Variants in CEP83 observed in about 807,000 individuals in gnomAD.
CEP83 encodes the protein centrosomal protein 83.
CEP83 carries 70 observed loss-of-function variants against 101.9 expected under a neutral mutation model. The ratio of observed to expected loss-of-function variants is 0.69; its 90% CI spans 0.57 to 0.84. The LOEUF is 0.84. CEP83 is among the 40% of genes least tolerant of loss of function. CEP83 has a pLI of 0.00. For missense variants in CEP83, 715 were observed against 787.2 expected, an observed-to-expected ratio of 0.91 and a Z score of 1.10; for synonymous variants, 264 against 267.9, an observed-to-expected ratio of 0.99 and a Z score of 0.14.
chr12:94,300,460 C>T, the CEP83 span, among the ~76,000 whole-genome samples: 1 of 151,978 alleles, frequency 6.6e-6, no homozygotes, highest in Non-Finnish European at 1.5e-5. Context: ...TTGGAATGAG[C>T]GCGGTGAGGA....
At chr12:94,427,898 A>C (rs1483166684) in intron 2 of CEP83, among the ~76,000 whole-genome samples, 1 of 152,190 alleles carries the variant, frequency 6.6e-6, no homozygotes, top group Non-Finnish European at 1.5e-5. Context: ...GCGTACAAAA[A>C]AAAAGTCACA....
chr12:94,348,902 G>A (rs951300620), intron 11 of CEP83, among the ~76,000 whole-genome samples: 1 of 152,164 alleles, frequency 6.6e-6, no homozygotes, highest in Non-Finnish European at 1.5e-5. Flanking sequence ...CTGACCTCTT[G>A]CCAACTGACT....
intron 8 of CEP83, among the ~76,000 whole-genome samples, chr12:94,375,566 G>A (rs1355177184): frequency 2.0e-5 from 3 of 152,134 alleles, no homozygotes; most frequent in African/African-American, 7.2e-5. Flanking sequence ...ATCATGGCTT[G>A]GACTGGAATA....
intron 1 of CEP83, among the ~76,000 whole-genome samples, chr12:94,456,179 G>A (rs1014756711): frequency 6.6e-6 from 1 of 152,116 alleles, no homozygotes; most frequent in African/African-American, 2.4e-5. Flanking sequence ...CCAGGAAATT[G>A]ACCAAACTCC....
chr12:94,431,049 T>A (rs1009021263), intron 2 of CEP83, among the ~76,000 whole-genome samples: 1 of 152,190 alleles, frequency 6.6e-6, no homozygotes, highest in African/African-American at 2.4e-5. Context: ...AGAGGATCAA[T>A]TCAGCAAGAG....
chr12:94,268,783 C>T, the CEP83 span, among the ~76,000 whole-genome samples: 4 of 151,856 alleles, frequency 2.6e-5, no homozygotes, highest in East Asian at 1.9e-4. Flanking sequence ...TTAGTAGAAA[C>T]GGGTTTTCGC....
intron 11 of CEP83, among the ~76,000 whole-genome samples, chr12:94,349,285 CAAAAAAAA>C (rs567484415): frequency 6.8e-5 from 5 of 73,468 alleles, no homozygotes; most frequent in Non-Finnish European, 1.6e-4. Context: ...GACTCTGTCT[CAAAAAAAA>C]AAAAAAAAAG....
At chr12:94,317,765 T>C (rs1031158649) in intron 14 of CEP83, among the ~76,000 whole-genome samples, 8 of 152,180 alleles carry the variant, frequency 5.3e-5, no homozygotes, top group African/African-American at 1.7e-4. Flanking sequence ...TTCTGTTCCA[T>C]TGATTTATGT....
chr12:94,306,674 T>C (rs1969053284), downstream of CEP83: 1 of 152,158 alleles, frequency 6.6e-6, no homozygotes, highest in Admixed American at 6.6e-5. Context: ...CACATATTCC[T>C]TGAAATCATT....
the CEP83 span, among the ~76,000 whole-genome samples, chr12:94,266,269 T>C: frequency 6.6e-6 from 1 of 152,218 alleles, no homozygotes; most frequent in Non-Finnish European, 1.5e-5. Context: ...TCAAGTTTTC[T>C]GCCACTGCCA....
chr12:94,336,527 C>CA (rs2059454604), intron 11 of CEP83, among the ~76,000 whole-genome samples: 1 of 152,178 alleles, frequency 6.6e-6, no homozygotes, highest in African/African-American at 2.4e-5. Context: ...AATAAGGACT[C>CA]AATAAACATT....
the CEP83 span, among the ~76,000 whole-genome samples, chr12:94,269,181 T>C: frequency 6.6e-6 from 1 of 152,230 alleles, no homozygotes; most frequent in African/African-American, 2.4e-5. Flanking sequence ...TTTGAACTCT[T>C]AGAAAACGAG....
At chr12:94,393,601 A>G (rs4486673) in intron 6 of CEP83, among the ~76,000 whole-genome samples, 3,948 of 152,294 alleles carry the variant, frequency 0.026, 188 homozygotes, top group African/African-American at 0.091. Flanking sequence ...CTCATATTCA[A>G]CAGTGTTGGA....
the CEP83 span, chr12:94,276,975 G>A: frequency 1.3e-5 from 2 of 152,204 alleles, no homozygotes; most frequent in African/African-American, 4.8e-5. Context: ...TAATCATTTG[G>A]TTGAGACCAG....
rs532342051 is a variant in CEP83, at chr12:94,317,034, C to T, written c.1708-4017G>A. Reference sequence around the variant, plus strand: ...CAATGGTTGAACTAATTTACACTCCCACCAACAGTGTATCAAAGTATTCCC... The same window carrying T: ...CAATGGTTGAACTAATTTACACTCCTACCAACAGTGTATCAAAGTATTCCC... On this transcript the variant is annotated intron_variant, in intron 14 of 16. Transcript: ENST00000397809. Among the ~76,000 whole-genome samples the T allele has an allele frequency of 2.6e-5, 4 of 152,258 alleles. No homozygotes were observed. In the East Asian group the frequency reaches 7.7e-4, roughly 29 times the overall value.
chr12:94,311,434 G>A (rs955256744), intron 15 of CEP83, among the ~76,000 whole-genome samples: 12 of 152,148 alleles, frequency 7.9e-5, no homozygotes, highest in African/African-American at 2.4e-4. Context: ...TCAGAAGCAC[G>A]GGTTACAACT....
rs763040256 is a variant in CEP83 at position 94,367,950 on chromosome 12, C to T, written c.1194-7G>A. On this transcript the variant is annotated splice_region_variant and splice_polypyrimidine_tract_variant and intron_variant, in intron 10 of 16. Transcript: ENST00000397809. ...TCTGTTCTCGAGTTCTAACCTAAAA[C>T]AAGAGATCATAATTATGTTACAAGA... The T allele has an allele frequency of 3.6e-5, 58 of 1,611,130 alleles. No homozygotes were observed. The highest frequency in any genetic ancestry group is 4.9e-5 in the Non-Finnish European group (58 of 1,178,734).
Position 94,409,602 on chromosome 12 carries a change from T to G in CEP83, c.324+2095A>C, listed in dbSNP as rs149538453. Among the ~76,000 whole-genome samples, 28 of 152,308 alleles carry G rather than the reference T, an allele frequency of 1.8e-4. 1 individual carries two copies. The East Asian group carries it at 5.2e-3, about 28-fold the overall frequency. Reference sequence around the variant, plus strand: ...CTAAAAAGGATTCTGCTTTGGACAGTGTATTCGTTTCCTAGGTTGCCATAA... The same window carrying G: ...CTAAAAAGGATTCTGCTTTGGACAGGGTATTCGTTTCCTAGGTTGCCATAA... On this transcript the variant is annotated intron_variant, in intron 4 of 16. Coordinates refer to ENST00000397809, the MANE Select transcript of CEP83 (RefSeq NM_016122.3).
intron 1 of CEP83, among the ~76,000 whole-genome samples, chr12:94,454,304 T>C (rs1431579877): frequency 6.6e-6 from 1 of 152,200 alleles, no homozygotes; most frequent in Non-Finnish European, 1.5e-5. Flanking sequence ...ACCAGTATTT[T>C]CACGTGTCCT....
Sources: allele counts gnomAD v4.1 joint callset (sites outside exome capture counted in the v4.1 genomes callset), GRCh38; gene constraint gnomAD v4.1.1; transcripts MANE v1.5; gene names NCBI Gene and HGNC (gene_info 2026-07-23, HGNC 2026-07-21).